IGSF8: variants seen among roughly 807,000 people sequenced by gnomAD.
IGSF8 encodes the protein immunoglobulin superfamily member 8.
Under a neutral mutation model 55.5 loss-of-function variants are expected in IGSF8, and 46 were observed. The observed-to-expected ratio is 0.83, with a 90% CI of 0.65 to 1.06. The LOEUF (loss-of-function observed/expected upper bound fraction) is 1.06. IGSF8 is among the 50% of genes least tolerant of loss of function. The pLI is 0.00. For synonymous variants in IGSF8, 314 were observed against 356.1 expected, an observed-to-expected ratio of 0.88 and a Z score of 1.33; for missense variants, 731 against 832.3, an observed-to-expected ratio of 0.88 and a Z score of 1.50.
upstream of IGSF8, chr1:160,099,065 T>A (rs186665781): frequency 7.7e-6 from 1 of 129,778 alleles, no homozygotes; most frequent in African/African-American, 3.0e-5. Context: ...AGGGCTAACG[T>A]CAGCCTCCAA....
At position 160,093,174 on chromosome 1, in the gene IGSF8, C is replaced by T. The variant is rs1194660661; in HGVS notation, c.1062G>A (p.Gly354=). ...GWEMAPAGAP[G]PGRLVAQLDT... is the part of the protein sequence containing the mutation. ...CCAGCTGGGCTACCAGGCGGCCGGG[C>T]CCAGGTGCCCCCGCAGGTGCCATCT... Residue 354 remains glycine, a synonymous_variant, in exon 4 of 7, where the codon GGG becomes GGA. Transcript: ENST00000314485. The T allele has an allele frequency of 2.5e-6, 4 of 1,613,322 alleles. No individual in the cohort carries two copies. The highest frequency in any genetic ancestry group is 3.4e-6 in the Non-Finnish European group (4 of 1,179,718).
rs548917042 is a variant in IGSF8 at position 160,093,854 on chromosome 1, G to A, written c.760C>T (p.Arg254Cys). Reference protein sequence around the residue: ...RLGKEGTDRYRMVVGGAQAGD... With the variant: ...RLGKEGTDRYCMVVGGAQAGD... The stretch of plus-strand genomic sequence containing the variant: ...GCCTGGGCACCCCCTACTACCATGC[G>A]GTACCGATCGGTCCCTTCCTTGCCC... Residue 254 changes from arginine (R) to cysteine (C), a missense_variant, in exon 3 of 7, where the codon CGC (arginine) becomes TGC (cysteine). Coordinates refer to ENST00000314485, the MANE Select transcript of IGSF8 (RefSeq NM_052868.6). 7.2e-5 allele frequency: 116 copies of A among 1,614,186 alleles called. No homozygotes were observed. In the Admixed American group the frequency reaches 1.4e-3, roughly 19 times the overall value.
intron 5 of IGSF8, 119 bp downstream of exon 5, chr1:160,092,163 A>G (rs1650005212): frequency 1.7e-6 from 2 of 1,172,194 alleles, no homozygotes; most frequent in African/African-American, 1.5e-5. Context: ...TTGAGACTTC[A>G]TGTGACATAA....
At chr1:160,092,809 G>T in intron 4 of IGSF8, 114 bp from the exon 5 acceptor site, 1 of 1,486,234 alleles carries the variant, frequency 6.7e-7, no homozygotes. Flanking sequence ...CTTGGTAGAA[G>T]AGGAGCGTGA....
Position 160,094,083 on chromosome 1 carries a change from A to C in IGSF8, c.531T>G (p.His177Gln), listed in dbSNP as rs763498891. Residue 177 changes from histidine to glutamine, a missense_variant, in exon 3 of 7, where the codon CAT (histidine) becomes CAG (glutamine). His to Gln is a conservative substitution (Grantham distance 24, BLOSUM62 0). Coordinates refer to ENST00000314485, the MANE Select transcript of IGSF8 (RefSeq NM_052868.6). The surrounding 1 kb of genome is among the most constrained non-coding windows in gnomAD (Gnocchi z 4.0). ...AGCCCAGTGCCAGCTCCTGCCCCTC[A>C]TGCACCGTCATGCGTGGGGGTGAGG... Reference protein sequence around the residue: ...APTSPPRMTVHEGQELALGCL... With the variant: ...APTSPPRMTVQEGQELALGCL... 6.2e-7 allele frequency: 1 copy of C among 1,612,360 alleles called. No individual in the cohort carries two copies. Among genetic ancestry groups the C allele is most frequent in the Non-Finnish European group, 8.5e-7 (1 of 1,179,968 alleles).
Position 160,098,505 on chromosome 1 carries a change from G to A in IGSF8, c.-33C>T, listed in dbSNP as rs1485888078. The A allele has an allele frequency of 2.7e-6, 4 of 1,502,478 alleles. No individual in the cohort carries two copies. Among genetic ancestry groups the A allele is most frequent in the Non-Finnish European group, 2.7e-6 (3 of 1,122,202 alleles). The allele number at this position is 1,502,478 out of a possible 1,614,324, so 93.1% of individuals were successfully genotyped here. Reference sequence around the variant, plus strand: ...GGCCAGCTCTGGGGAGGCTCCGGGGGATGGCGCGGGTTCTGGGGGGCCGGA... The same window carrying A: ...GGCCAGCTCTGGGGAGGCTCCGGGGAATGGCGCGGGTTCTGGGGGGCCGGA... On this transcript the variant is annotated 5_prime_UTR_variant, in exon 1 of 7. Coordinates refer to ENST00000314485, the MANE Select transcript of IGSF8 (RefSeq NM_052868.6).
Position 160,095,306 on chromosome 1 carries a change from G to A in IGSF8, c.65-60C>T, listed in dbSNP as rs76813762. 6.6e-3 allele frequency: 9,865 copies of A among 1,491,186 alleles called. 536 individuals are homozygous for A. In the African/African-American group the frequency reaches 0.12, roughly 18 times the overall value. The allele number at this position is 1,491,186 out of a possible 1,614,324, so 92.4% of individuals were successfully genotyped here. On this transcript the variant is annotated intron_variant, in intron 1 of 6. Transcript: ENST00000314485. Reference sequence around the variant, plus strand: ...GGTTCCTCATTCCATGCCCTCTGCCGCCACAAGCACCATTCTTGATCTCTG... The same window carrying A: ...GGTTCCTCATTCCATGCCCTCTGCCACCACAAGCACCATTCTTGATCTCTG...
intron 1 of IGSF8, 88 bp from the exon 2 acceptor site, chr1:160,095,334 T>C (rs1650359203): frequency 4.5e-6 from 6 of 1,343,652 alleles, no homozygotes; most frequent in Non-Finnish European, 6.0e-6. Context: ...GATCTCTGCC[T>C]ACAAAAGGAA....
chr1:160,098,719 C>G (rs1467683969), upstream of IGSF8: 3 of 470,162 alleles, frequency 6.4e-6, no homozygotes, highest in Non-Finnish European at 7.5e-6. Flanking sequence ...TCCACCGCCC[C>G]GTCTAGGCCC....
rs746554484 is a variant in IGSF8, at chr1:160,095,249, G to A, written c.65-3C>T. On this transcript the variant is annotated splice_polypyrimidine_tract_variant and splice_region_variant and intron_variant, in intron 1 of 6. Coordinates refer to ENST00000314485, the MANE Select transcript of IGSF8 (RefSeq NM_052868.6). ...CTCCCGGGCCCAGCATCCCATTCCT[G>A]TAGGGAAAGGCAGAAGGAGTTGGAG... 5.0e-6 allele frequency: 8 copies of A among 1,597,720 alleles called. No homozygotes were observed. Among genetic ancestry groups the A allele is most frequent in the Non-Finnish European group, 6.8e-6 (8 of 1,177,258 alleles).
In IGSF8 at chr1:160,094,757, G is replaced by T; in HGVS notation, c.442+112C>A. On this transcript the variant is annotated intron_variant, in intron 2 of 6. Transcript: ENST00000314485. The surrounding 1 kb of genome is among the most constrained non-coding windows in gnomAD (Gnocchi z 4.0). ...TGTGCAAATCACTTAACCTCTTTGGGCCTCAAGTTCCTTGGCTACAAAACC... is the reference window on the plus strand; with the variant it reads ...TGTGCAAATCACTTAACCTCTTTGGTCCTCAAGTTCCTTGGCTACAAAACC... 3 of 1,183,058 alleles carry T rather than the reference G, an allele frequency of 2.5e-6. No homozygotes were observed. The highest frequency in any genetic ancestry group is 2.4e-6 in the Non-Finnish European group (2 of 848,914). 73.3% of individuals were successfully genotyped at this position (1,183,058 alleles called of 1,614,324 possible).
Position 160,094,153 on chromosome 1 carries a change from T to C in IGSF8, c.461A>G (p.Gln154Arg). The stretch of plus-strand genomic sequence containing the variant: ...GGGCCCTGGGGGGGCAGCAGACACC[T>C]GGAGGACATCTGGAAGAACTGGAGA... ...VELRVLPDVL[Q>R]VSAAPPGPRG... Residue 154 changes from glutamine (Q) to arginine (R), a missense_variant, in exon 3 of 7, where the codon CAG becomes CGG. Transcript: ENST00000314485. This position sits in a 1 kb window ranked among gnomAD's most constrained non-coding sequence, Gnocchi z 4.0. 1 of 1,599,968 alleles carries C rather than the reference T, an allele frequency of 6.3e-7. No homozygotes were observed. Among genetic ancestry groups the C allele is most frequent in the Non-Finnish European group, 8.5e-7 (1 of 1,177,734 alleles).
rs921173021 is a variant in IGSF8 at position 160,095,124 on chromosome 1, C to G, written c.187G>C (p.Glu63Gln). Residue 63 changes from glutamate to glutamine, a missense_variant, in exon 2 of 7, where the codon GAG (glutamate) becomes CAG (glutamine). Physicochemically the swap from Glu to Gln is conservative, Grantham distance 29 (BLOSUM62 2). Transcript: ENST00000314485. ...GCCTCGGGCCTATACAGGAACCACT[C>G]GAAGTTCTGCTGGGCAGGGCCCTCA... ...GYEGPAQQNF[E>Q]WFLYRPEAPD... is the part of the protein sequence containing the mutation. 2 of 1,614,050 alleles carry G rather than the reference C, an allele frequency of 1.2e-6. No individual in the cohort carries two copies. Among genetic ancestry groups the G allele is most frequent in the Admixed American group, 1.7e-5 (1 of 60,028 alleles).
chr1:160,095,246 C>T lies in IGSF8; in HGVS notation c.65G>A (p.Gly22Glu), dbSNP rs1282869864. ...SLPLLLLLML[G>E]MGCWAREVLV... Reference sequence around the variant, plus strand: ...CACCTCCCGGGCCCAGCATCCCATTCCTGTAGGGAAAGGCAGAAGGAGTTG... The same window carrying T: ...CACCTCCCGGGCCCAGCATCCCATTTCTGTAGGGAAAGGCAGAAGGAGTTG... Residue 22 changes from glycine to glutamate, a missense_variant and splice_region_variant, in exon 2 of 7, where the codon GGA (glycine) becomes GAA (glutamate). Transcript: ENST00000314485. The T allele has an allele frequency of 6.3e-7, 1 of 1,598,418 alleles. No homozygotes were observed. Among genetic ancestry groups the T allele is most frequent in the Non-Finnish European group, 8.5e-7 (1 of 1,177,516 alleles).
At chr1:160,092,216 A>G (rs938240775) in intron 5 of IGSF8, 66 bp downstream of exon 5, 2 of 1,486,328 alleles carry the variant, frequency 1.3e-6, no homozygotes, top group African/African-American at 1.4e-5. Context: ...GAAGATGGGA[A>G]GGGAAGGCCA....
intron 3 of IGSF8, 133 bp from the exon 4 acceptor site, chr1:160,093,464 C>A (rs142299953): frequency 2.8e-4 from 249 of 894,058 alleles, no homozygotes; most frequent in Non-Finnish European, 4.0e-4. Flanking sequence ...CTAGGTATGA[C>A]CATCTTTCTA....
rs750575560 is a variant in IGSF8, at chr1:160,093,946, C to T, written c.668G>A (p.Arg223Gln). The T allele has an allele frequency of 1.9e-5, 31 of 1,614,146 alleles. No homozygotes were observed. The highest frequency in any genetic ancestry group is 8.3e-5 in the Admixed American group (5 of 60,016). The change falls in exon 3 of 7, where the codon CGG (arginine) becomes CAG (glutamine). Residue 223 changes from arginine (R) to glutamine (Q), a missense_variant. Coordinates refer to ENST00000314485, the MANE Select transcript of IGSF8 (RefSeq NM_052868.6). ...RSTLQEVVGI[R>Q]SDLAVEAGAP... is the part of the protein sequence containing the mutation. ...TCCAGCCTCCACGGCCAAGTCTGAC[C>T]GGATTCCCACCACTTCCTGCAGAGT...
At chr1:160,098,366 C>G (rs758235164) in intron 1 of IGSF8, 43 bp downstream of exon 1, 1 of 1,552,818 alleles carries the variant, frequency 6.4e-7, no homozygotes, top group Non-Finnish European at 8.7e-7. Flanking sequence ...ATGGCAGGCA[C>G]CTGCCCGGCA....
chr1:160,095,521 G>A (rs1028418930), intron 1 of IGSF8, among the ~76,000 whole-genome samples: 1 of 152,244 alleles, frequency 6.6e-6, no homozygotes, highest in Admixed American at 6.5e-5. Flanking sequence ...GCAGAAAGGA[G>A]TACATCTGAT....
Sources: allele counts gnomAD v4.1 joint callset (sites outside exome capture counted in the v4.1 genomes callset), GRCh38; gene constraint gnomAD v4.1.1; non-coding constraint Gnocchi (gnomAD v3.1); transcripts MANE v1.5; gene names NCBI Gene and HGNC (gene_info 2026-07-23, HGNC 2026-07-21).